Variants in OTOP1 observed in about 807,000 individuals in gnomAD.
OTOP1 encodes the protein otopetrin 1.
Under a neutral mutation model 52.9 loss-of-function variants are expected in OTOP1, and 59 were observed. The ratio of observed to expected loss-of-function variants is 1.12; its 90% CI spans 0.91 to 1.39. OTOP1 has a LOEUF of 1.39. Among genes scored for constraint, OTOP1 ranks in the 40% most tolerant of loss-of-function variants. The pLI is 0.00. For synonymous variants in OTOP1, 317 were observed against 337.7 expected, an observed-to-expected ratio of 0.94 and a Z score of 0.67; for missense variants, 761 against 800.9, an observed-to-expected ratio of 0.95 and a Z score of 0.60.
Position 4,226,462 on chromosome 4 carries a change from C to T in OTOP1, c.403G>A (p.Gly135Ser), listed in dbSNP as rs768628259. 2.1e-6 allele frequency: 3 copies of T among 1,459,506 alleles called. No homozygotes were observed. The highest frequency in any genetic ancestry group is 2.7e-6 in the Non-Finnish European group (3 of 1,109,802). The allele number at this position is 1,459,506 out of a possible 1,614,324, so 90.4% of individuals were successfully genotyped here. A position where few individuals can be genotyped will look rare whatever the true frequency, so the allele number is the denominator to read the frequency against. Residue 135 changes from glycine to serine, a missense_variant and splice_region_variant, in exon 1 of 6, where the codon GGT becomes AGT. By Grantham distance (56) the Gly-to-Ser change is moderately conservative. Around this residue, in one of 3 missense-constraint regions of OTOP1, gnomAD observed 632 missense variants for 619.5 expected, o/e 1.02. Coordinates refer to ENST00000296358, the MANE Select transcript of OTOP1 (RefSeq NM_177998.3). ...DTHAGAGWLR[G>S]SITLFAVITV... The stretch of plus-strand genomic sequence containing the variant: ...CCGCTCGCCCGGCGCCTGGACTCAC[C>T]GCGCAGCCAGCCGGCACCCGCGTGC...
At position 4,188,916 on chromosome 4, in the gene OTOP1, T is replaced by C; in HGVS notation, c.1726A>G (p.Ile576Val). ...RPEYDNGLEE[I>V]VFGFEPWIIV... ...ATCCAGGGTTCAAAGCCAAAGACAA[T>C]CTCCTCCAATCCATTGTCATACTCA... is the stretch of plus-strand genomic sequence containing the variant. Residue 576 changes from isoleucine (I) to valine (V), a missense_variant, in exon 6 of 6, where the codon ATT (isoleucine) becomes GTT (valine). Ile to Val is a conservative substitution (Grantham distance 29, BLOSUM62 3). Around this residue, in one of 3 missense-constraint regions of OTOP1, gnomAD observed 632 missense variants for 619.5 expected, o/e 1.02. Coordinates refer to ENST00000296358, the MANE Select transcript of OTOP1 (RefSeq NM_177998.3). 1 of 1,613,552 alleles carries C rather than the reference T, an allele frequency of 6.2e-7. No homozygotes were observed. The highest frequency in any genetic ancestry group is 1.3e-5 in the African/African-American group (1 of 74,932).
intron 4 of OTOP1, among the ~76,000 whole-genome samples, chr4:4,201,463 T>TAC (rs200995441): frequency 0.05 from 6,462 of 128,240 alleles, 273 homozygotes; most frequent in Admixed American, 0.14. Context: ...TAAATAAATA[T>TAC]ATATATATAC....
rs1403217842 is a variant in OTOP1, at chr4:4,226,733, G to A, written c.132C>T (p.Pro44=). 2.9e-6 allele frequency: 4 copies of A among 1,397,188 alleles called. No homozygotes were observed. The highest frequency in any genetic ancestry group is 1.5e-5 in the African/African-American group (1 of 66,344). The allele number at this position is 1,397,188 out of a possible 1,614,324, so 86.5% of individuals were successfully genotyped here. A position where few individuals can be genotyped will look rare whatever the true frequency, so the allele number is the denominator to read the frequency against. The part of the protein sequence containing the change: ...SAPRSPESPA[P]RRGGVRASVP... Reference sequence around the variant, plus strand: ...CGCTGGCGCGCACACCGCCCCGCCGGGGGGCCGGGGATTCCGGGGACCTCG... The same window carrying A: ...CGCTGGCGCGCACACCGCCCCGCCGAGGGGCCGGGGATTCCGGGGACCTCG... Residue 44 remains proline, a synonymous_variant, in exon 1 of 6, where the codon CCC becomes CCT. Coordinates refer to ENST00000296358, the MANE Select transcript of OTOP1 (RefSeq NM_177998.3).
At chr4:4,219,033 A>C (rs1423558945) in intron 1 of OTOP1, among the ~76,000 whole-genome samples, 2 of 152,164 alleles carry the variant, frequency 1.3e-5, no homozygotes, top group Non-Finnish European at 2.9e-5. Flanking sequence ...TCAAATGCTC[A>C]AAAAAGGCAA....
chr4:4,214,970 A>G (rs1180883970), intron 1 of OTOP1, among the ~76,000 whole-genome samples: 1 of 152,230 alleles, frequency 6.6e-6, no homozygotes, highest in South Asian at 2.1e-4. Context: ...TTTTACCACA[A>G]TTAAAAATAT....
intron 1 of OTOP1, among the ~76,000 whole-genome samples, chr4:4,220,282 C>A (rs1204517664): frequency 6.6e-6 from 1 of 151,206 alleles, no homozygotes; most frequent in Non-Finnish European, 1.5e-5. Context: ...AATTTCAGAA[C>A]TAGATAGATC....
intron 2 of OTOP1, among the ~76,000 whole-genome samples, chr4:4,211,003 C>A (rs1312177391): frequency 5.9e-5 from 9 of 152,136 alleles, no homozygotes; most frequent in Admixed American, 1.3e-4. Flanking sequence ...CAGTCCATAA[C>A]AGCTTTCAAG....
At chr4:4,218,065 T>C (rs1717187322) in intron 1 of OTOP1, among the ~76,000 whole-genome samples, 1 of 152,126 alleles carries the variant, frequency 6.6e-6, no homozygotes, top group African/African-American at 2.4e-5. Context: ...AATAGACATT[T>C]TGAGGCGAAA....
At chr4:4,190,052 T>C (rs1271053070) in intron 5 of OTOP1, among the ~76,000 whole-genome samples, 5 of 152,204 alleles carry the variant, frequency 3.3e-5, no homozygotes, top group Non-Finnish European at 5.9e-5. Context: ...GTCTCTTCCA[T>C]AGCAATAAGT....
chr4:4,209,838 G>C (rs574853498), intron 2 of OTOP1, among the ~76,000 whole-genome samples: 5 of 152,168 alleles, frequency 3.3e-5, no homozygotes, highest in African/African-American at 1.2e-4. Flanking sequence ...GATCCAGCCT[G>C]TGCCCACACA....
chr4:4,197,265 C>T lies in OTOP1; in HGVS notation c.1569G>A (p.Gly523=), dbSNP rs1290481267. Residue 523 remains glycine (G), a synonymous_variant, in exon 5 of 6, where the codon GGG becomes GGA. Coordinates refer to ENST00000296358, the MANE Select transcript of OTOP1 (RefSeq NM_177998.3). Reference sequence around the variant, plus strand: ...GGGGAAGGCGGACTGGGCTTGGGCTCCCTCCCCAGCTGCTCTCCTCCTGCT... The same window carrying T: ...GGGGAAGGCGGACTGGGCTTGGGCTTCCTCCCCAGCTGCTCTCCTCCTGCT... ...EEKQEESSWG[G]SPSPVRLPRF... is the part of the protein sequence containing the mutation. 3 of 1,614,004 alleles carry T rather than the reference C, an allele frequency of 1.9e-6. No homozygotes were observed. The highest frequency in any genetic ancestry group is 2.5e-6 in the Non-Finnish European group (3 of 1,180,032).
intron 5 of OTOP1, among the ~76,000 whole-genome samples, chr4:4,196,171 C>T (rs557405683): frequency 6.6e-6 from 1 of 152,256 alleles, no homozygotes; most frequent in Admixed American, 6.5e-5. Flanking sequence ...GTAATCCCAG[C>T]ACTTTGGGAG....
chr4:4,198,250 G>A (rs752105480), intron 4 of OTOP1, 147 bp from the exon 5 acceptor site: 10 of 663,454 alleles, frequency 1.5e-5, no homozygotes, highest in Non-Finnish European at 2.0e-5. Context: ...TTATTATCAC[G>A]TTTAATATCA....
At chr4:4,216,848 C>G (rs574681146) in intron 1 of OTOP1, among the ~76,000 whole-genome samples, 2 of 152,312 alleles carry the variant, frequency 1.3e-5, no homozygotes, top group Admixed American at 1.3e-4. Flanking sequence ...GATTCCCATA[C>G]AGAAAATGCG....
chr4:4,209,315 G>A (rs1020677867), intron 2 of OTOP1, among the ~76,000 whole-genome samples: 1 of 151,784 alleles, frequency 6.6e-6, no homozygotes, highest in African/African-American at 2.4e-5. Context: ...GTGCCTAATT[G>A]TTATATATAT....
chr4:4,195,293 T>A (rs1275707953), intron 5 of OTOP1, among the ~76,000 whole-genome samples: 3 of 152,238 alleles, frequency 2.0e-5, no homozygotes, highest in South Asian at 2.1e-4. Context: ...TACCTCTGCC[T>A]GAAATGCTTC....
chr4:4,205,898 G>A (rs764080447), intron 3 of OTOP1, among the ~76,000 whole-genome samples, 174 bp downstream of exon 3: 25 of 152,194 alleles, frequency 1.6e-4, no homozygotes, highest in Admixed American at 7.9e-4. Context: ...CTGTCCCATG[G>A]AGAAGCCAAA....
Position 4,226,858 on chromosome 4 carries a change from C to G in OTOP1, c.7G>C (p.Glu3Gln), listed in dbSNP as rs1717453250. Residue 3 changes from glutamate to glutamine, a missense_variant, in exon 1 of 6, where the codon GAG (glutamate) becomes CAG (glutamine). Physicochemically the swap from Glu to Gln is conservative, Grantham distance 29. Transcript: ENST00000296358. The stretch of plus-strand genomic sequence containing the variant: ...GGCGAGGCGGGCGACCCCAGGCCCT[C>G]GAGCATCTTCGAGACACCCGCGCCA... ML[E>Q]GLGSPASPRA... 7.5e-7 allele frequency: 1 copy of G among 1,326,854 alleles called. No individual in the cohort carries two copies. The highest frequency in any genetic ancestry group is 9.6e-7 in the Non-Finnish European group (1 of 1,042,664). The allele number at this position is 1,326,854 out of a possible 1,614,324, so 82.2% of individuals were successfully genotyped here.
intron 1 of OTOP1, among the ~76,000 whole-genome samples, chr4:4,226,031 T>A (rs1350549289): frequency 6.6e-6 from 1 of 152,134 alleles, no homozygotes; most frequent in South Asian, 2.1e-4. Flanking sequence ...GGTCCTGCGA[T>A]GGGCGAGAAA....
Sources: allele counts gnomAD v4.1 joint callset (sites outside exome capture counted in the v4.1 genomes callset), GRCh38; gene constraint gnomAD v4.1.1; regional missense constraint gnomAD v4.1.1; transcripts MANE v1.5; gene names NCBI Gene and HGNC (gene_info 2026-07-23, HGNC 2026-07-21).